CNOT4: variants seen among roughly 807,000 people sequenced by gnomAD.
CNOT4 encodes CCR4-associated factor 4.
A neutral mutation model predicts 73.8 loss-of-function variants in CNOT4; 8 were observed. That is an observed-to-expected ratio of 0.11 (90% CI 0.06 to 0.20). The LOEUF (loss-of-function observed/expected upper bound fraction) is 0.20. Among genes scored for constraint, CNOT4 ranks in the 10% least tolerant of loss-of-function variants. CNOT4 has a pLI of 1.00. For synonymous variants in CNOT4, 293 were observed against 321.1 expected (o/e 0.91, Z 0.94); for missense variants, 564 against 883.4 (o/e 0.64, Z 4.58).
At chr7:135,489,220 A>C (rs1802939461) in intron 1 of CNOT4, among the ~76,000 whole-genome samples, 1 of 152,016 alleles carries the variant, frequency 6.6e-6, no homozygotes, top group Admixed American at 6.6e-5. Context: ...AATAGGAAGA[A>C]ACAAGTAAAA....
intron 1 of CNOT4, among the ~76,000 whole-genome samples, chr7:135,441,006 G>A (rs1415505212): frequency 6.6e-6 from 1 of 151,962 alleles, no homozygotes; most frequent in Non-Finnish European, 1.5e-5. Context: ...ATAACATAAG[G>A]TATGTTGATC....
chr7:135,442,565 C>T (rs1265991142), intron 1 of CNOT4, among the ~76,000 whole-genome samples: 3 of 152,202 alleles, frequency 2.0e-5, no homozygotes, highest in African/African-American at 4.8e-5. Flanking sequence ...TGCCACTGCA[C>T]TGCAGCCTGG....
At chr7:135,389,157 CAAAAAAAAAA>C (rs11292254) in intron 10 of CNOT4, among the ~76,000 whole-genome samples, 1 of 83,670 alleles carries the variant, frequency 1.2e-5, no homozygotes, top group African/African-American at 4.5e-5. Flanking sequence ...AACATACTAC[CAAAAAAAAAA>C]AAAAAAAAAA....
intron 8 of CNOT4, among the ~76,000 whole-genome samples, chr7:135,397,144 T>C (rs1585582290): frequency 6.6e-6 from 1 of 152,054 alleles, no homozygotes; most frequent in Non-Finnish European, 1.5e-5. Flanking sequence ...AAAAACTATA[T>C]TGCATTAAGA....
At chr7:135,380,385 C>A (rs368385328) in intron 10 of CNOT4, among the ~76,000 whole-genome samples, 1 of 152,142 alleles carries the variant, frequency 6.6e-6, no homozygotes, top group Admixed American at 6.5e-5. Flanking sequence ...CTGTTTTACT[C>A]TTTTAGTTCT....
At chr7:135,479,650 T>G (rs1463985389) in intron 1 of CNOT4, among the ~76,000 whole-genome samples, 2 of 152,068 alleles carry the variant, frequency 1.3e-5, no homozygotes, top group African/African-American at 2.4e-5. Flanking sequence ...GTAATCCCAG[T>G]GCTTTGGGAG....
At chr7:135,399,305 A>ATAT (rs1216953655) in intron 7 of CNOT4, among the ~76,000 whole-genome samples, 2 of 152,140 alleles carry the variant, frequency 1.3e-5, no homozygotes, top group African/African-American at 4.8e-5. Flanking sequence ...CACTGAGGCT[A>ATAT]TATAGTGCCT....
chr7:135,399,179 T>C (rs1326657842), intron 7 of CNOT4, among the ~76,000 whole-genome samples: 1 of 152,026 alleles, frequency 6.6e-6, no homozygotes, highest in African/African-American at 2.4e-5. Flanking sequence ...ACAAAAATAG[T>C]CATGGGTTGC....
intron 1 of CNOT4, among the ~76,000 whole-genome samples, chr7:135,483,129 A>G (rs970830381): frequency 6.6e-6 from 1 of 151,218 alleles, no homozygotes; most frequent in Non-Finnish European, 1.5e-5. Flanking sequence ...GAGCCCTGGC[A>G]TTTGAGACCA....
intron 1 of CNOT4, among the ~76,000 whole-genome samples, chr7:135,482,932 G>A (rs1173465134): frequency 2.1e-5 from 3 of 146,006 alleles, no homozygotes; most frequent in African/African-American, 7.7e-5. Context: ...GTTGCAGTGA[G>A]CTGAGACCAT....
intron 10 of CNOT4, among the ~76,000 whole-genome samples, chr7:135,391,858 C>T (rs1796418417): frequency 2.0e-5 from 3 of 151,952 alleles, no homozygotes; most frequent in Non-Finnish European, 2.9e-5. Flanking sequence ...AATAAAAGCA[C>T]AAAAAGAAGA....
intron 1 of CNOT4, among the ~76,000 whole-genome samples, chr7:135,456,532 G>A (rs947925023): frequency 4.6e-5 from 7 of 151,932 alleles, no homozygotes; most frequent in East Asian, 3.9e-4. Flanking sequence ...ATCATCCGTC[G>A]GTATCATTGG....
chr7:135,476,545 T>C (rs753694031), intron 1 of CNOT4, among the ~76,000 whole-genome samples: 39 of 152,206 alleles, frequency 2.6e-4, no homozygotes, highest in African/African-American at 8.9e-4. Flanking sequence ...GGCATAGTGG[T>C]ATGCACTTGT....
chr7:135,393,426 T>C (rs1479381443), intron 10 of CNOT4, among the ~76,000 whole-genome samples: 1 of 152,210 alleles, frequency 6.6e-6, no homozygotes, highest in Non-Finnish European at 1.5e-5. Flanking sequence ...AGTATATTTA[T>C]AGCTCAGTTT....
intron 7 of CNOT4, among the ~76,000 whole-genome samples, chr7:135,399,504 C>T (rs767823765): frequency 2.7e-4 from 41 of 152,132 alleles, no homozygotes; most frequent in Non-Finnish European, 4.9e-4. Flanking sequence ...CAAAACAAAA[C>T]ATTGATATGT....
At chr7:135,389,409 A>T (rs1032551282) in intron 10 of CNOT4, among the ~76,000 whole-genome samples, 1 of 152,118 alleles carries the variant, frequency 6.6e-6, no homozygotes, top group African/African-American at 2.4e-5. Context: ...GCATCTGAAA[A>T]TTCAAGTTTA....
rs1019647482 is a variant in CNOT4, at chr7:135,440,002, A to AT, written c.-92-1580dup. Among the ~76,000 whole-genome samples, 14 of 152,110 alleles carry AT rather than the reference A, an allele frequency of 9.2e-5. 1 individual carries two copies. The highest frequency in any genetic ancestry group is 3.9e-4 in the East Asian group (2 of 5,188). Reference sequence around the variant, plus strand: ...GAAGTGTTAAAGAAAAAAAAAACAGATTTTTTTAAAAATCTTGGGATATAG... The same window carrying AT: ...GAAGTGTTAAAGAAAAAAAAAACAGATTTTTTTTAAAAATCTTGGGATATAG... On this transcript the variant is annotated intron_variant, in intron 1 of 11. Coordinates refer to ENST00000541284, the MANE Select transcript of CNOT4 (RefSeq NM_001190850.2).
chr7:135,400,097 C>T (rs1374754970), intron 7 of CNOT4, among the ~76,000 whole-genome samples: 1 of 151,700 alleles, frequency 6.6e-6, no homozygotes, highest in Non-Finnish European at 1.5e-5. Flanking sequence ...AAAAGATTTA[C>T]TCAGCAGGAG....
chr7:135,416,005 T>A (rs1374634235), intron 3 of CNOT4, among the ~76,000 whole-genome samples: 8 of 152,188 alleles, frequency 5.3e-5, no homozygotes, highest in Admixed American at 5.2e-4. Context: ...TTTCAGCTTC[T>A]CTTACAAACT....
Sources: gnomAD v4.1 joint callset for allele counts (sites outside exome capture counted in the v4.1 genomes callset) on GRCh38, gnomAD v4.1.1 for gene constraint, MANE v1.5 for transcripts, NCBI Gene and HGNC (gene_info 2026-07-23, HGNC 2026-07-21) for gene names.